CRISP1: variants seen among roughly 807,000 people sequenced by gnomAD.
CRISP1 encodes cysteine rich secretory protein 1, also known as cysteine-rich secretory protein 1.
CRISP1 carries 44 observed loss-of-function variants against 33.1 expected under a neutral mutation model. The observed-to-expected ratio is 1.33, with a 90% CI of 1.05 to 1.71. The LOEUF (loss-of-function observed/expected upper bound fraction) is 1.71. Among genes scored for constraint, CRISP1 ranks in the 40% most tolerant of loss-of-function variants. The probability of loss-of-function intolerance (pLI) is 0.00; values close to 1 mark genes in which losing one functional copy is unlikely to be tolerated. For synonymous variants in CRISP1, 103 were observed against 98.7 expected (o/e 1.04, Z -0.26); for missense variants, 390 against 301.2 (o/e 1.29, Z -2.18).
At chr6:49,874,590 G>T (rs1458530182) in intron 1 of CRISP1, among the ~76,000 whole-genome samples, 1 of 152,000 alleles carries the variant, frequency 6.6e-6, no homozygotes, top group Non-Finnish European at 1.5e-5. Context: ...ATTTGGTAGA[G>T]ATACAGCAAC....
chr6:49,841,154 G>A (rs530818205), intron 5 of CRISP1, among the ~76,000 whole-genome samples, 159 bp from the exon 6 acceptor site: 1 of 152,288 alleles, frequency 6.6e-6, no homozygotes, highest in South Asian at 2.1e-4. Flanking sequence ...ACTCCCACGT[G>A]TCTGGATACC....
intron 5 of CRISP1, among the ~76,000 whole-genome samples, chr6:49,843,201 C>T (rs1464592172): frequency 2.0e-5 from 3 of 152,034 alleles, no homozygotes; most frequent in African/African-American, 4.8e-5. Context: ...TATTTTTATC[C>T]TTTAATCCTT....
chr6:49,862,515 C>T (rs1037950280), intron 1 of CRISP1, among the ~76,000 whole-genome samples: 1 of 151,830 alleles, frequency 6.6e-6, no homozygotes, highest in African/African-American at 2.4e-5. Flanking sequence ...TGATATAATG[C>T]TAAATCTAGG....
At chr6:49,836,924 T>A (rs1389007887) in intron 7 of CRISP1, among the ~76,000 whole-genome samples, 1 of 152,126 alleles carries the variant, frequency 6.6e-6, no homozygotes, top group Non-Finnish European at 1.5e-5. Context: ...CAATTACCTA[T>A]CTTTATCCTA....
intron 6 of CRISP1, among the ~76,000 whole-genome samples, chr6:49,839,580 T>C (rs1256501111): frequency 6.6e-6 from 1 of 152,210 alleles, no homozygotes; most frequent in East Asian, 1.9e-4. Flanking sequence ...TTTTTAAATA[T>C]GATATTTGTT....
intron 1 of CRISP1, among the ~76,000 whole-genome samples, chr6:49,864,392 G>GTT (rs1771742312): frequency 6.8e-6 from 1 of 148,076 alleles, no homozygotes; most frequent in Admixed American, 6.7e-5. Flanking sequence ...CACTGTGTGT[G>GTT]TGTGTGTGTG....
rs1347671964 is a variant in CRISP1 at position 49,846,542 on chromosome 6, A to T, written c.413T>A (p.Ile138Lys). Reference protein sequence around the residue: ...HGEWTTTDDDITTDHYTQIVW... With the variant: ...HGEWTTTDDDKTTDHYTQIVW... ...TACCTGAGTGTAGTGGTCAGTAGTT[A>T]TGTCATCATCCGTTGTTGTCCATTC... is the stretch of plus-strand genomic sequence containing the variant. Residue 138 changes from isoleucine (I) to lysine (K), a missense_variant, in exon 5 of 8, where the codon ATA becomes AAA. Ile to Lys is a moderately radical substitution (Grantham distance 102). Coordinates refer to ENST00000335847, the MANE Select transcript of CRISP1 (RefSeq NM_001131.3). The T allele has an allele frequency of 1.2e-6, 2 of 1,613,246 alleles. No homozygotes were observed. The highest frequency in any genetic ancestry group is 2.7e-5 in the African/African-American group (2 of 74,862).
chr6:49,869,408 T>C (rs1258025482), upstream of CRISP1, among the ~76,000 whole-genome samples: 6 of 152,240 alleles, frequency 3.9e-5, no homozygotes, highest in East Asian at 3.9e-4. Flanking sequence ...TTTTATGACA[T>C]AGAGTGAGAA....
intron 3 of CRISP1, among the ~76,000 whole-genome samples, chr6:49,849,648 T>C (rs1009830244): frequency 6.6e-6 from 1 of 152,164 alleles, no homozygotes; most frequent in Non-Finnish European, 1.5e-5. Context: ...GTTTTTACTA[T>C]AAGTTTTTAT....
intron 1 of CRISP1, among the ~76,000 whole-genome samples, chr6:49,861,611 C>A (rs1024730241): frequency 6.6e-6 from 1 of 152,212 alleles, no homozygotes; most frequent in South Asian, 2.1e-4. Context: ...CGGCCAGGCA[C>A]GGTAACTCAC....
chr6:49,875,953 A>T (rs1772025814), intron 1 of CRISP1, among the ~76,000 whole-genome samples: 1 of 152,180 alleles, frequency 6.6e-6, no homozygotes, highest in African/African-American at 2.4e-5. Context: ...CCTAAAAAAA[A>T]ATCTAGGCAA....
intron 1 of CRISP1, among the ~76,000 whole-genome samples, chr6:49,871,961 T>C (rs1379012174): frequency 6.6e-6 from 1 of 152,166 alleles, no homozygotes; most frequent in African/African-American, 2.4e-5. Flanking sequence ...TCTAGATCCC[T>C]GAGGAATCGC....
intron 3 of CRISP1, among the ~76,000 whole-genome samples, chr6:49,849,737 A>C (rs1261057260): frequency 6.6e-6 from 1 of 152,094 alleles, no homozygotes; most frequent in Non-Finnish European, 1.5e-5. Flanking sequence ...GTTTAATTAT[A>C]ATATGTATTT....
intron 1 of CRISP1, among the ~76,000 whole-genome samples, chr6:49,862,529 A>AT (rs1418598860): frequency 1.3e-5 from 2 of 152,066 alleles, no homozygotes; most frequent in African/African-American, 4.8e-5. Flanking sequence ...ATCTAGGTAA[A>AT]TTAATCCCAG....
At chr6:49,872,204 A>C (rs1771939975) in intron 1 of CRISP1, among the ~76,000 whole-genome samples, 1 of 152,092 alleles carries the variant, frequency 6.6e-6, no homozygotes, top group Non-Finnish European at 1.5e-5. Context: ...TCTTCTTTTG[A>C]GAAGTGTCTG....
Position 49,857,511 on chromosome 6 carries a change from G to T in CRISP1, c.-2-109C>A, listed in dbSNP as rs191321179. ...TGTGTTTGCATTTTTTTTCCTAAAA[G>T]AAACCTTTAGGATCCGAACAAGGTT... On this transcript the variant is annotated intron_variant, in intron 1 of 7. Coordinates refer to ENST00000335847, the MANE Select transcript of CRISP1 (RefSeq NM_001131.3). The T allele has an allele frequency of 2.6e-5, 25 of 962,132 alleles. No individual in the cohort carries two copies. The African/African-American group carries it at 2.9e-4, about 11-fold the overall frequency. 59.6% of individuals were successfully genotyped at this position (962,132 alleles called of 1,614,324 possible).
chr6:49,859,207 C>G (rs1236942916), intron 1 of CRISP1, among the ~76,000 whole-genome samples: 1 of 151,960 alleles, frequency 6.6e-6, no homozygotes, highest in Non-Finnish European at 1.5e-5. Flanking sequence ...GGGTTTCACA[C>G]ACCCTTGAGT....
intron 5 of CRISP1, among the ~76,000 whole-genome samples, chr6:49,843,533 T>C (rs1188128263): frequency 1.3e-5 from 2 of 152,206 alleles, no homozygotes; most frequent in Non-Finnish European, 2.9e-5. Flanking sequence ...AGAAACTAAC[T>C]ATGCTGGCAC....
upstream of CRISP1, among the ~76,000 whole-genome samples, chr6:49,868,953 T>C (rs1051326537): frequency 6.6e-6 from 1 of 152,196 alleles, no homozygotes; most frequent in African/African-American, 2.4e-5. Context: ...CCTTTGAAAT[T>C]TCCCCCCTCT....
Sources: allele counts gnomAD v4.1 joint callset (sites outside exome capture counted in the v4.1 genomes callset), GRCh38; gene constraint gnomAD v4.1.1; transcripts MANE v1.5; gene names NCBI Gene and HGNC (gene_info 2026-07-23, HGNC 2026-07-21).